TRPS1: variants seen among roughly 807,000 people sequenced by gnomAD.
The protein encoded by TRPS1 is transcriptional repressor GATA binding 1, also known as zinc finger transcription factor Trps1.
TRPS1 carries 6 observed loss-of-function variants against 101.2 expected under a neutral mutation model. That is an observed-to-expected ratio of 0.06 (90% CI 0.03 to 0.12). The LOEUF is 0.12. Ranked by LOEUF, TRPS1 falls within the 10% of genes least tolerant of loss-of-function variation. The pLI, the probability that TRPS1 is intolerant of heterozygous loss-of-function variation, is 1.00. For synonymous variants in TRPS1, 578 were observed against 589.8 expected (o/e 0.98, Z 0.29); for missense variants, 1,363 against 1,567.0 (o/e 0.87, Z 2.20).
chr8:115,660,709 A>G (rs903532955), intron 1 of TRPS1, among the ~76,000 whole-genome samples: 2 of 151,906 alleles, frequency 1.3e-5, no homozygotes, highest in Non-Finnish European at 2.9e-5. Flanking sequence ...ACAATAAATC[A>G]TTTGTTTATT....
At position 115,619,522 on chromosome 8, in the gene TRPS1, T is replaced by A; in HGVS notation, c.576A>T (p.Pro192=). The change falls in exon 3 of 7, where the codon CCA becomes CCT. Residue 192 remains proline, a synonymous_variant. Coordinates refer to ENST00000395715, the MANE Select transcript of TRPS1 (RefSeq NM_014112.5). ...GTGGGTTTTTTGAGGCCACTGAAAC[T>A]GGGCTCAAACCTTGACAATTGGCTT... ...SGQANCQGLS[P]VSVASKNPQV... 1.2e-6 allele frequency: 2 copies of A among 1,614,194 alleles called. No homozygotes were observed. The highest frequency in any genetic ancestry group is 1.7e-6 in the Non-Finnish European group (2 of 1,180,034).
intron 4 of TRPS1, among the ~76,000 whole-genome samples, chr8:115,600,816 G>C (rs1378824712): frequency 2.0e-5 from 3 of 152,036 alleles, no homozygotes; most frequent in Non-Finnish European, 1.5e-5. Context: ...AAAAGTAGCA[G>C]TTAATAGAGA....
rs752692840 is a variant in TRPS1, at chr8:115,604,094, G to A, written c.1875C>T (p.Val625=). 1.2e-6 allele frequency: 2 copies of A among 1,613,952 alleles called. No individual in the cohort carries two copies. The highest frequency in any genetic ancestry group is 2.7e-5 in the African/African-American group (2 of 74,930). Residue 625 remains valine (V), a synonymous_variant, in exon 4 of 7, where the codon GTC becomes GTT. Transcript: ENST00000395715. This position sits in a 1 kb window ranked among gnomAD's most constrained non-coding sequence, Gnocchi z 4.1. ...ATGAACACTGATGGCACTGATGTTT[G>A]ACTCGCGAGCTTCCAGCCGCCCCAG... ...LSPGAAGSSR[V]KHQCHQCSFT... is the part of the protein sequence containing the mutation.
intron 5 of TRPS1, among the ~76,000 whole-genome samples, chr8:115,489,162 A>G (rs1448259327): frequency 6.6e-6 from 1 of 152,192 alleles, no homozygotes; most frequent in Non-Finnish European, 1.5e-5. Context: ...TACATGGTAT[A>G]TACACTTTCA....
chr8:115,456,135 T>C (rs1238147319), intron 5 of TRPS1, among the ~76,000 whole-genome samples: 3 of 152,168 alleles, frequency 2.0e-5, no homozygotes, highest in Non-Finnish European at 4.4e-5. Context: ...TTATACAACA[T>C]ACAAAATATA....
At chr8:115,636,773 G>A (rs1046837961) in intron 1 of TRPS1, among the ~76,000 whole-genome samples, 1 of 152,060 alleles carries the variant, frequency 6.6e-6, no homozygotes, top group Non-Finnish European at 1.5e-5. Context: ...TTAGCTGGGT[G>A]TGGTGGCGGG....
At chr8:115,552,133 A>G (rs1002712173) in intron 5 of TRPS1, among the ~76,000 whole-genome samples, 1 of 152,206 alleles carries the variant, frequency 6.6e-6, no homozygotes, top group Non-Finnish European at 1.5e-5. Flanking sequence ...TGCTAATTTA[A>G]CACTGTCAAA....
intron 5 of TRPS1, among the ~76,000 whole-genome samples, chr8:115,585,742 T>C (rs1172762313): frequency 2.6e-5 from 4 of 152,194 alleles, no homozygotes; most frequent in Non-Finnish European, 4.4e-5. Flanking sequence ...TTACTCCTAA[T>C]AAACTTGCTT....
chr8:115,604,607 G>C lies in TRPS1; in HGVS notation c.1362C>G (p.Phe454Leu). 6.2e-7 allele frequency: 1 copy of C among 1,614,054 alleles called. No homozygotes were observed. Among genetic ancestry groups the C allele is most frequent in the Non-Finnish European group, 8.5e-7 (1 of 1,180,008 alleles). ...TSYYWCKFCSFSCESSSSLKL... is the reference protein window; with the variant it reads ...TSYYWCKFCSLSCESSSSLKL... The stretch of plus-strand genomic sequence containing the variant: ...TAAGTGAGCTAGATGACTCACAGCT[G>C]AAACTACAAAATTTACACCAGTAGT... The change falls in exon 4 of 7, where the codon TTC becomes TTG. Residue 454 changes from phenylalanine to leucine, a missense_variant. Transcript: ENST00000395715. This position sits in a 1 kb window ranked among gnomAD's most constrained non-coding sequence, Gnocchi z 4.1.
chr8:115,613,713 C>CATTA (rs1368395439), intron 3 of TRPS1, among the ~76,000 whole-genome samples: 1 of 151,994 alleles, frequency 6.6e-6, no homozygotes, highest in East Asian at 1.9e-4. Context: ...AAGATGAGTT[C>CATTA]ATTAATACAT....
chr8:115,462,114 T>G (rs1483076491), intron 5 of TRPS1, among the ~76,000 whole-genome samples: 1 of 152,178 alleles, frequency 6.6e-6, no homozygotes, highest in African/African-American at 2.4e-5. Context: ...AAATTCATAA[T>G]GAAGGTATTC....
rs1019936625 is a variant in TRPS1, at chr8:115,627,921, T to C, written c.-121-4163A>G. Among the ~76,000 whole-genome samples, 9 of 151,884 alleles carry C rather than the reference T, an allele frequency of 5.9e-5. No individual in the cohort carries two copies. The South Asian group carries it at 1.4e-3, about 24-fold the overall frequency. On this transcript the variant is annotated intron_variant, in intron 1 of 6. Transcript: ENST00000395715. Reference sequence around the variant, plus strand: ...TAAAGATAACATAGTGCAATTAGAATGCTCGCTGTCTTCACAGCACCAGTA... The same window carrying C: ...TAAAGATAACATAGTGCAATTAGAACGCTCGCTGTCTTCACAGCACCAGTA...
rs1011429697 is a variant in TRPS1, at chr8:115,413,707, A to T, written c.*316T>A. Reference sequence around the variant, plus strand: ...ACAGTTTTGGTCTCTTTCTTTATAAATATATTAATTCTAGTCTGGTGATAT... The same window carrying T: ...ACAGTTTTGGTCTCTTTCTTTATAATTATATTAATTCTAGTCTGGTGATAT... On this transcript the variant is annotated 3_prime_UTR_variant, in exon 7 of 7. Transcript: ENST00000395715. 1 of 277,386 alleles carries T rather than the reference A, an allele frequency of 3.6e-6. No individual in the cohort carries two copies. Among genetic ancestry groups the T allele is most frequent in the South Asian group, 5.2e-5 (1 of 19,196 alleles). 17.2% of individuals were successfully genotyped at this position (277,386 alleles called of 1,614,324 possible). A position where few individuals can be genotyped will look rare whatever the true frequency, so the allele number is the denominator to read the frequency against.
At chr8:115,486,279 TTAA>T (rs1339156750) in intron 5 of TRPS1, among the ~76,000 whole-genome samples, 2 of 152,230 alleles carry the variant, frequency 1.3e-5, no homozygotes, top group Non-Finnish European at 2.9e-5. Flanking sequence ...GGTAGCGTAC[TTAA>T]TAAGTGCTGC....
chr8:115,487,622 C>A (rs1488181029), intron 5 of TRPS1, among the ~76,000 whole-genome samples: 1 of 152,146 alleles, frequency 6.6e-6, no homozygotes, highest in African/African-American at 2.4e-5. Flanking sequence ...TGATTCCAAT[C>A]CTCAAGAATG....
chr8:115,606,637 A>G (rs564268396), intron 3 of TRPS1, among the ~76,000 whole-genome samples: 39 of 152,234 alleles, frequency 2.6e-4, no homozygotes, highest in African/African-American at 9.1e-4. Flanking sequence ...TTTCAAAGCC[A>G]TACACTCAAG....
intron 5 of TRPS1, among the ~76,000 whole-genome samples, chr8:115,451,868 C>T (rs987413490): frequency 3.9e-5 from 6 of 152,122 alleles, no homozygotes; most frequent in African/African-American, 1.4e-4. Flanking sequence ...ATTCTCTGCC[C>T]AGGGAATTGC....
At chr8:115,666,337 A>G (rs1811921204) in intron 1 of TRPS1, among the ~76,000 whole-genome samples, 1 of 152,052 alleles carries the variant, frequency 6.6e-6, no homozygotes, top group Non-Finnish European at 1.5e-5. Flanking sequence ...TCCTGTCAGC[A>G]TCAGAACTTA....
intron 5 of TRPS1, among the ~76,000 whole-genome samples, chr8:115,473,855 T>C (rs193190142): frequency 7.9e-5 from 12 of 152,324 alleles, no homozygotes; most frequent in Admixed American, 2.0e-4. Context: ...ATATGTTATG[T>C]ATGATTTATG....
Sources: allele counts gnomAD v4.1 joint callset (sites outside exome capture counted in the v4.1 genomes callset), GRCh38; gene constraint gnomAD v4.1.1; non-coding constraint Gnocchi (gnomAD v3.1); transcripts MANE v1.5; gene names NCBI Gene and HGNC (gene_info 2026-07-23, HGNC 2026-07-21).